Variants in EBAG9 observed in about 807,000 individuals in gnomAD.
EBAG9 encodes the protein receptor-binding cancer antigen expressed on SiSo cells.
EBAG9 carries 16 observed loss-of-function variants against 30.9 expected under a neutral mutation model. The observed-to-expected ratio is 0.52, with a 90% CI of 0.35 to 0.79. EBAG9 has a LOEUF of 0.79. EBAG9 is among the 30% of genes least tolerant of loss of function. EBAG9 has a pLI of 0.01. For missense variants in EBAG9, 197 were observed against 242.1 expected (o/e 0.81, Z 1.24); for synonymous variants, 93 against 82.8 (o/e 1.12, Z -0.67).
intron 1 of EBAG9, among the ~76,000 whole-genome samples, chr8:109,549,751 A>G (rs961024637): frequency 6.6e-6 from 1 of 152,032 alleles, no homozygotes; most frequent in Non-Finnish European, 1.5e-5. Context: ...GTTATTAAGG[A>G]CACGTGTTTT....
At chr8:109,540,786 G>A (rs2131092170) in intron 1 of EBAG9, 1 of 152,222 alleles carries the variant, frequency 6.6e-6, no homozygotes, top group South Asian at 2.1e-4. Context: ...ACTTCAGAGA[G>A]TTATAGTTTG....
At chr8:109,553,581 C>T (rs540376165) in intron 2 of EBAG9, among the ~76,000 whole-genome samples, 6 of 152,262 alleles carry the variant, frequency 3.9e-5, no homozygotes, top group African/African-American at 1.4e-4. Context: ...AACCGTCTTG[C>T]ATTTTTATTT....
At chr8:109,563,996 G>T (rs150369544) in intron 6 of EBAG9, among the ~76,000 whole-genome samples, 31 of 152,074 alleles carry the variant, frequency 2.0e-4, no homozygotes, top group Middle Eastern at 3.4e-3. Flanking sequence ...TTAAAAACTG[G>T]CTGTTTGTAA....
Position 109,563,642 on chromosome 8 carries a change from A to T in EBAG9, c.522-797A>T. ...TGCAGGATGTGCAGGTTTGTTACACAGGTAAACATGTGTCAAGGGGGTTTG... is the reference window on the plus strand; with the variant it reads ...TGCAGGATGTGCAGGTTTGTTACACTGGTAAACATGTGTCAAGGGGGTTTG... On this transcript the variant is annotated intron_variant, in intron 6 of 6. Coordinates refer to ENST00000337573, the MANE Select transcript of EBAG9 (RefSeq NM_004215.5). 3.4e-6 allele frequency: 4 copies of T among 1,188,644 alleles called. No individual in the cohort carries two copies. In the Admixed American group the frequency reaches 1.1e-4, roughly 32 times the overall value. 73.6% of individuals were successfully genotyped at this position (1,188,644 alleles called of 1,614,324 possible). A position where few individuals can be genotyped will look rare whatever the true frequency, so the allele number is the denominator to read the frequency against.
At chr8:109,559,343 C>G (rs1821666369) in intron 5 of EBAG9, among the ~76,000 whole-genome samples, 1 of 152,018 alleles carries the variant, frequency 6.6e-6, no homozygotes, top group African/African-American at 2.4e-5. Context: ...GTAGTCCTCG[C>G]TACTTGGGAG....
At position 109,564,702 on chromosome 8, in the gene EBAG9, C is replaced by A; in HGVS notation, c.*143C>A. ...TCAGGCCATCCAGGACACCACGATT[C>A]TCCCAAAGTACCTTGAACTCTTAGT... On this transcript the variant is annotated 3_prime_UTR_variant, in exon 7 of 7. Transcript: ENST00000337573. 1 of 1,186,116 alleles carries A rather than the reference C, an allele frequency of 8.4e-7. No individual in the cohort carries two copies. Among genetic ancestry groups the A allele is most frequent in the Non-Finnish European group, 1.2e-6 (1 of 859,718 alleles). The allele number at this position is 1,186,116 out of a possible 1,614,324, so 73.5% of individuals were successfully genotyped here. A position where few individuals can be genotyped will look rare whatever the true frequency, so the allele number is the denominator to read the frequency against.
intron 1 of EBAG9, among the ~76,000 whole-genome samples, chr8:109,540,971 T>C (rs1208936287): frequency 6.6e-6 from 1 of 152,184 alleles, no homozygotes; most frequent in Non-Finnish European, 1.5e-5. Context: ...CTCTAGCAGT[T>C]TACCGAGAAT....
Position 109,540,343 on chromosome 8 carries a change from A to G in EBAG9, c.-134A>G, listed in dbSNP as rs916464534. The G allele has an allele frequency of 2.0e-5, 3 of 152,138 alleles. No individual in the cohort carries two copies. Among genetic ancestry groups the G allele is most frequent in the Non-Finnish European group, 4.4e-5 (3 of 68,028 alleles). 9.4% of individuals were successfully genotyped at this position (152,138 alleles called of 1,614,324 possible). On this transcript the variant is annotated 5_prime_UTR_variant, in exon 1 of 7. Transcript: ENST00000337573. ...CTCCAGGCCGATTTTTCCACAATTTAAATCTCAGTTCACCTGGTATCCAGC... is the reference window on the plus strand; with the variant it reads ...CTCCAGGCCGATTTTTCCACAATTTGAATCTCAGTTCACCTGGTATCCAGC...
At chr8:109,561,007 C>G (rs1248304735) in intron 6 of EBAG9, 78 bp downstream of exon 6, 3 of 1,219,116 alleles carry the variant, frequency 2.5e-6, no homozygotes, top group Admixed American at 2.4e-5. Flanking sequence ...GTCAAGGGAG[C>G]CTATTTTGCC....
At chr8:109,553,971 T>C (rs1416104810) in intron 3 of EBAG9, 28 bp downstream of exon 3, 1 of 1,530,616 alleles carries the variant, frequency 6.5e-7, no homozygotes, top group Non-Finnish European at 8.9e-7. Flanking sequence ...GTTCTTTTGT[T>C]TTGTTTTGTT....
chr8:109,555,541 T>G (rs893614048), intron 4 of EBAG9, among the ~76,000 whole-genome samples: 1 of 152,164 alleles, frequency 6.6e-6, no homozygotes, highest in Non-Finnish European at 1.5e-5. Context: ...GATTCTAGAC[T>G]CCAGTCTCTG....
rs140406421 is a variant in EBAG9, at chr8:109,542,181, TTTTATTA to T, written c.-16+1721_-16+1727del. 6.2e-3 allele frequency among the ~76,000 whole-genome samples: 943 copies of T among 152,282 alleles called. 12 individuals are homozygous for T. The highest frequency in any genetic ancestry group is 0.022 in the African/African-American group (901 of 41,556). ...CAGTCAATGAGTATCAGTTCTCCTC[TTTTATTA>T]ATCACAAAAGGAAGTTTTCTGCAGA... On this transcript the variant is annotated intron_variant, in intron 1 of 6. Transcript: ENST00000337573.
At chr8:109,563,837 A>G (rs1025909877) in intron 6 of EBAG9, among the ~76,000 whole-genome samples, 8 of 152,228 alleles carry the variant, frequency 5.3e-5, no homozygotes, top group African/African-American at 1.7e-4. Context: ...AAGTGAGAAC[A>G]TGCAGTATTT....
At chr8:109,558,577 G>A (rs1308240115) in intron 5 of EBAG9, among the ~76,000 whole-genome samples, 1 of 152,016 alleles carries the variant, frequency 6.6e-6, no homozygotes, top group Admixed American at 6.6e-5. Context: ...TCATTGTAAA[G>A]TTTTAAATAT....
rs1045638550 is a variant in EBAG9 at position 109,564,589 on chromosome 8, G to A, written c.*30G>A. On this transcript the variant is annotated 3_prime_UTR_variant, in exon 7 of 7. Transcript: ENST00000337573. ...TGTTCAAATTTTATCATGCCAGTAG[G>A]AGAAATCTCAGCTCCACAACCCAAG... 1 of 1,608,118 alleles carries A rather than the reference G, an allele frequency of 6.2e-7. No homozygotes were observed. The highest frequency in any genetic ancestry group is 8.5e-7 in the Non-Finnish European group (1 of 1,176,420).
intron 4 of EBAG9, among the ~76,000 whole-genome samples, chr8:109,555,492 ATTATAT>A (rs897426364): frequency 3.3e-5 from 5 of 152,164 alleles, no homozygotes; most frequent in Non-Finnish European, 7.3e-5. Context: ...GTCTTTTAAA[ATTATAT>A]TTATATATGT....
At chr8:109,562,374 G>C (rs1821728257) in intron 6 of EBAG9, among the ~76,000 whole-genome samples, 1 of 152,072 alleles carries the variant, frequency 6.6e-6, no homozygotes, top group Non-Finnish European at 1.5e-5. Flanking sequence ...AGGACAGCTT[G>C]GGAGAGTGAG....
At chr8:109,554,628 A>C in intron 3 of EBAG9, 101 bp from the exon 4 acceptor site, 1 of 1,237,342 alleles carries the variant, frequency 8.1e-7, no homozygotes, top group Non-Finnish European at 1.1e-6. Context: ...AAAAAGTTTG[A>C]AAACCAGTGT....
At chr8:109,550,680 G>A (rs1292219205) in intron 1 of EBAG9, 130 bp from the exon 2 acceptor site, 1 of 622,352 alleles carries the variant, frequency 1.6e-6, no homozygotes, top group Non-Finnish European at 2.8e-6. Flanking sequence ...AAAATTTACT[G>A]TGTTATAGTT....
Sources: allele counts gnomAD v4.1 joint callset (sites outside exome capture counted in the v4.1 genomes callset), GRCh38; gene constraint gnomAD v4.1.1; transcripts MANE v1.5; gene names NCBI Gene and HGNC (gene_info 2026-07-23, HGNC 2026-07-21).